Variants in OR51B5 observed in about 807,000 individuals in gnomAD.
The protein encoded by OR51B5 is olfactory receptor 51B5.
For missense variants in OR51B5, 456 were observed against 374.6 expected (o/e 1.22, Z -1.79); for synonymous variants, 186 against 144.8 (o/e 1.28, Z -2.04).
chr11:5,495,904 A>G (rs1350588434), intron 1 of OR51B5, among the ~76,000 whole-genome samples: 2 of 152,190 alleles, frequency 1.3e-5, no homozygotes, highest in Non-Finnish European at 2.9e-5. Context: ...TCTCCATAAA[A>G]TTTGTAAGCA....
intron 1 of OR51B5, among the ~76,000 whole-genome samples, chr11:5,379,827 G>A (rs1233448841): frequency 2.6e-5 from 4 of 151,908 alleles, no homozygotes; most frequent in African/African-American, 7.3e-5. Context: ...TGGCTTTCTG[G>A]GTTTCTCTCC....
At chr11:5,403,225 G>T (rs535561134) in intron 1 of OR51B5, 2 of 471,242 alleles carry the variant, frequency 4.2e-6, no homozygotes, top group East Asian at 1.4e-4. Flanking sequence ...TCTACTTTTG[G>T]GCTGGATTCG....
At chr11:5,430,455 G>C (rs534043678) in intron 1 of OR51B5, among the ~76,000 whole-genome samples, 12 of 152,238 alleles carry the variant, frequency 7.9e-5, no homozygotes, top group Admixed American at 7.2e-4. Flanking sequence ...TGCACACACA[G>C]AGACACACAT....
chr11:5,342,564 G>C (rs763757016), downstream of OR51B5: 5 of 1,550,134 alleles, frequency 3.2e-6, no homozygotes, highest in Non-Finnish European at 8.7e-7. Context: ...CATTCTGTGA[G>C]AGTGACTGTG....
At chr11:5,361,873 C>T (rs1849290982) in intron 1 of OR51B5, among the ~76,000 whole-genome samples, 1 of 152,124 alleles carries the variant, frequency 6.6e-6, no homozygotes, top group Non-Finnish European at 1.5e-5. Context: ...CTGCATAAAC[C>T]AGCTTCCTCT....
chr11:5,415,144 T>C (rs946454893), intron 1 of OR51B5, among the ~76,000 whole-genome samples: 2 of 151,956 alleles, frequency 1.3e-5, no homozygotes, highest in African/African-American at 4.8e-5. Flanking sequence ...CTCAACTACA[T>C]GGAAACTGAA....
chr11:5,365,505 A>AT (rs141237931), intron 1 of OR51B5, among the ~76,000 whole-genome samples: 40,760 of 152,096 alleles, frequency 0.27, 5,725 homozygotes, highest in African/African-American at 0.32. Context: ...TTTCCTGTCT[A>AT]TGCACAGGAT....
At chr11:5,377,923 G>A (rs1202778378) in intron 1 of OR51B5, among the ~76,000 whole-genome samples, 2 of 152,078 alleles carry the variant, frequency 1.3e-5, no homozygotes, top group Non-Finnish European at 2.9e-5. Context: ...TCCCCATCAA[G>A]CTACCAATGA....
At chr11:5,462,670 A>C (rs1851075689) in intron 1 of OR51B5, among the ~76,000 whole-genome samples, 1 of 152,212 alleles carries the variant, frequency 6.6e-6, no homozygotes, top group African/African-American at 2.4e-5. Context: ...CATCAGGAGG[A>C]TATCCAATAT....
chr11:5,382,192 A>G (rs1849618209), intron 1 of OR51B5, among the ~76,000 whole-genome samples: 1 of 152,198 alleles, frequency 6.6e-6, no homozygotes, highest in African/African-American at 2.4e-5. Context: ...TAACTCTCTT[A>G]AATGTTATAT....
chr11:5,453,522 T>C (rs1564818223), intron 1 of OR51B5: 4 of 1,581,340 alleles, frequency 2.5e-6, no homozygotes, highest in Non-Finnish European at 3.4e-6. Context: ...CCCTGCATTC[T>C]TCCTCCTGAC....
At chr11:5,385,255 A>G (rs1194854659) in intron 1 of OR51B5, 1 of 152,230 alleles carries the variant, frequency 6.6e-6, no homozygotes, top group Non-Finnish European at 1.5e-5. Context: ...ATGGATAATT[A>G]TCTCTCTTGC....
At chr11:5,485,242 A>G (rs987138634) in intron 1 of OR51B5, among the ~76,000 whole-genome samples, 1 of 152,192 alleles carries the variant, frequency 6.6e-6, no homozygotes, top group African/African-American at 2.4e-5. Flanking sequence ...CAAAGCACAT[A>G]TGACATAAAA....
intron 1 of OR51B5, chr11:5,453,491 G>A: frequency 6.5e-7 from 1 of 1,534,368 alleles, no homozygotes; most frequent in Non-Finnish European, 8.7e-7. Flanking sequence ...GTTTTGCTAT[G>A]GGGTTGTTCA....
chr11:5,489,777 T>G, intron 1 of OR51B5: 2 of 741,360 alleles, frequency 2.7e-6, no homozygotes, highest in Admixed American at 4.7e-5. Context: ...CAGGAAGCTC[T>G]GGAAGGAAGA....
intron 1 of OR51B5, among the ~76,000 whole-genome samples, chr11:5,456,720 G>A (rs1276360969): frequency 1.3e-5 from 2 of 152,138 alleles, no homozygotes; most frequent in Non-Finnish European, 2.9e-5. Flanking sequence ...CAGGTAGTGA[G>A]CATATGACAT....
intron 1 of OR51B5, among the ~76,000 whole-genome samples, chr11:5,367,868 G>C (rs891229954): frequency 2.6e-5 from 4 of 152,062 alleles, no homozygotes; most frequent in Non-Finnish European, 5.9e-5. Flanking sequence ...TTTCACTTGT[G>C]CTTTCTGCCT....
At chr11:5,406,134 A>G (rs1850054929) in intron 1 of OR51B5, among the ~76,000 whole-genome samples, 2 of 152,254 alleles carry the variant, frequency 1.3e-5, no homozygotes, top group Middle Eastern at 3.4e-3. Flanking sequence ...AGTCATTTCC[A>G]TTTTCTTTCT....
At position 5,356,884 on chromosome 11, in the gene OR51B5, T is replaced by A. The variant is rs370946938; in HGVS notation, n.85-9974A>T. Among the ~76,000 whole-genome samples, 19 of 145,952 alleles carry A rather than the reference T, an allele frequency of 1.3e-4. 1 individual carries two copies. The East Asian group carries it at 3.1e-3, about 24-fold the overall frequency. ...TCATATCCAGCCAAACTAAGCTTCA[T>A]AAGTGAAGGAGAAATAAAATACTTT... is the stretch of plus-strand genomic sequence containing the variant. On this transcript the variant is annotated intron_variant and non_coding_transcript_variant, in intron 1 of 4. Coordinates refer to the OR51B5 transcript ENST00000415970.
Sources: gnomAD v4.1 joint callset for allele counts (sites outside exome capture counted in the v4.1 genomes callset) on GRCh38, gnomAD v4.1.1 for gene constraint, MANE v1.5 for transcripts, NCBI Gene and HGNC (gene_info 2026-07-23, HGNC 2026-07-21) for gene names.